The following ACSM1 variants were observed in gnomAD, a reference collection of about 807,000 sequenced individuals.
ACSM1 encodes the protein acyl-coenzyme A synthetase ACSM1, mitochondrial.
ACSM1 carries 79 observed loss-of-function variants against 75.8 expected under a neutral mutation model. The ratio of observed to expected loss-of-function variants is 1.04; its 90% CI spans 0.87 to 1.26. The LOEUF (loss-of-function observed/expected upper bound fraction) is 1.26, where lower values mean the gene tolerates loss of function less well. Among genes scored for constraint, ACSM1 ranks in the 50% most tolerant of loss-of-function variants. The pLI, the probability that ACSM1 is intolerant of heterozygous loss-of-function variation, is 0.00. For synonymous variants in ACSM1, 279 were observed against 265.8 expected (o/e 1.05, Z -0.48); for missense variants, 676 against 720.1 (o/e 0.94, Z 0.70).
chr16:20,672,471 A>AAAAAAAAAAAATATAT (rs1555473775), intron 4 of ACSM1, among the ~76,000 whole-genome samples: 17 of 64,554 alleles, frequency 2.6e-4, no homozygotes, highest in East Asian at 1.3e-3. Flanking sequence ...AAAAAAAAAA[A>AAAAAAAAAAAATATAT]ATATATATAT....
At chr16:20,637,000 A>T (rs993572656) in intron 9 of ACSM1, 160 bp from the exon 10 acceptor site, 4 of 682,526 alleles carry the variant, frequency 5.9e-6, no homozygotes, top group African/African-American at 1.8e-5. Context: ...TAAAATACGC[A>T]AATGTGAAAC....
chr16:20,632,613 G>T (rs2017416621), intron 10 of ACSM1, among the ~76,000 whole-genome samples: 1 of 152,172 alleles, frequency 6.6e-6, no homozygotes, highest in Non-Finnish European at 1.5e-5. Flanking sequence ...AATATTTAAA[G>T]AAGAATTAAG....
At chr16:20,652,604 G>T (rs191413694) in intron 7 of ACSM1, among the ~76,000 whole-genome samples, 3 of 151,924 alleles carry the variant, frequency 2.0e-5, no homozygotes, top group Non-Finnish European at 4.4e-5. Context: ...ACAAACTACC[G>T]TCAGAGAATA....
chr16:20,653,263 A>G (rs894687270), intron 7 of ACSM1, among the ~76,000 whole-genome samples: 4 of 152,226 alleles, frequency 2.6e-5, no homozygotes, highest in African/African-American at 9.6e-5. Context: ...TCAAAATAAT[A>G]AGAGCTATTT....
intron 2 of ACSM1, 78 bp from the exon 3 acceptor site, chr16:20,685,481 G>T: frequency 7.5e-7 from 1 of 1,336,086 alleles, no homozygotes; most frequent in Non-Finnish European, 1.1e-6. Flanking sequence ...CACAGCCATA[G>T]TCACGTTCCA....
chr16:20,687,944 G>A lies in ACSM1; in HGVS notation c.193-2541C>T, dbSNP rs141762632. Among the ~76,000 whole-genome samples the A allele has an allele frequency of 2.9e-3, 438 of 152,120 alleles. 2 individuals are homozygous for A. Among genetic ancestry groups the A allele is most frequent in the African/African-American group, 9.7e-3 (402 of 41,514 alleles). On this transcript the variant is annotated intron_variant, in intron 2 of 13. Transcript: ENST00000520010. Reference sequence around the variant, plus strand: ...ATTAAAAGTACAAAAGATAAGCCAGGCATAGTTGCATGCACCTGTAATCCC... The same window carrying A: ...ATTAAAAGTACAAAAGATAAGCCAGACATAGTTGCATGCACCTGTAATCCC...
At chr16:20,682,132 T>G in intron 4 of ACSM1, 124 bp downstream of exon 4, 1 of 894,086 alleles carries the variant, frequency 1.1e-6, no homozygotes. Flanking sequence ...TGGATGTTAA[T>G]CTGACTGGGC....
At chr16:20,685,077 G>A in intron 3 of ACSM1, 116 bp downstream of exon 3, 1 of 1,064,426 alleles carries the variant, frequency 9.4e-7, no homozygotes, top group African/African-American at 1.6e-5. Flanking sequence ...CAGAAACTGG[G>A]GCGAAGGCTT....
At chr16:20,696,213 G>T (rs907406172) in intron 1 of ACSM1, among the ~76,000 whole-genome samples, 5 of 152,152 alleles carry the variant, frequency 3.3e-5, no homozygotes, top group Admixed American at 6.5e-5. Context: ...ACCTAACAAT[G>T]CATTTCTCAG....
chr16:20,671,584 G>A lies in ACSM1; in HGVS notation c.699C>T (p.Pro233=). 1 of 1,613,818 alleles carries A rather than the reference G, an allele frequency of 6.2e-7. No homozygotes were observed. Among genetic ancestry groups the A allele is most frequent in the South Asian group, 1.1e-5 (1 of 91,036 alleles). ...IFFTSGTTGF[P]KMAKHSHGLA... is the part of the protein sequence containing the mutation. ...ACCCATGGGAGTGTTTTGCCATCTTGGGGAAGCCTGTGGTCCCACTGGTGA... is the reference window on the plus strand; with the variant it reads ...ACCCATGGGAGTGTTTTGCCATCTTAGGGAAGCCTGTGGTCCCACTGGTGA... Residue 233 remains proline, a synonymous_variant, in exon 5 of 14, where the codon CCC becomes CCT. Transcript: ENST00000520010.
At chr16:20,662,430 A>G (rs577706796) in intron 6 of ACSM1, among the ~76,000 whole-genome samples, 1 of 152,284 alleles carries the variant, frequency 6.6e-6, no homozygotes, top group South Asian at 2.1e-4. Context: ...ATTTAGGAAG[A>G]TAAGGTAAGT....
intron 4 of ACSM1, among the ~76,000 whole-genome samples, chr16:20,676,738 A>G (rs1351696714): frequency 6.6e-6 from 1 of 152,172 alleles, no homozygotes; most frequent in Non-Finnish European, 1.5e-5. Context: ...GCTGGTTTGG[A>G]CAGGAGTTTG....
At chr16:20,660,648 A>G (rs979030991) in intron 7 of ACSM1, among the ~76,000 whole-genome samples, 6 of 152,218 alleles carry the variant, frequency 3.9e-5, no homozygotes, top group African/African-American at 1.2e-4. Context: ...CTGAAGCTTC[A>G]TGAGTAAAAT....
intron 4 of ACSM1, among the ~76,000 whole-genome samples, chr16:20,675,054 T>A (rs755367729): frequency 7.2e-5 from 11 of 152,014 alleles, no homozygotes; most frequent in Non-Finnish European, 1.3e-4. Context: ...GCTGGCAGAA[T>A]GGTAAGAGTG....
At position 20,682,540 on chromosome 16, in the gene ACSM1, G is replaced by A. The variant is rs9927399; in HGVS notation, c.404-77C>T. 12,966 of 1,144,082 alleles carry A rather than the reference G, an allele frequency of 0.011. 1,057 individuals are homozygous for A. The African/African-American group carries it at 0.17, about 15-fold the overall frequency. The allele number at this position is 1,144,082 out of a possible 1,614,324, so 70.9% of individuals were successfully genotyped here. On this transcript the variant is annotated intron_variant, in intron 3 of 13. Coordinates refer to ENST00000520010, the MANE Select transcript of ACSM1 (RefSeq NM_001318890.3). ...GCTTTAGACTTGGCTTGTCTGCATC[G>A]AAATACCCTAACTTCTTGTTATGTA...
At chr16:20,684,329 A>G (rs1279443182) in intron 3 of ACSM1, among the ~76,000 whole-genome samples, 4 of 152,250 alleles carry the variant, frequency 2.6e-5, no homozygotes, top group Non-Finnish European at 4.4e-5. Context: ...TAAGGATCAC[A>G]CAATGAATTA....
At chr16:20,678,090 C>T (rs1240550264) in intron 4 of ACSM1, among the ~76,000 whole-genome samples, 1 of 152,026 alleles carries the variant, frequency 6.6e-6, no homozygotes, top group Non-Finnish European at 1.5e-5. Context: ...AAAGAAGAAG[C>T]CTTAGCTATG....
At chr16:20,680,456 A>G (rs1031284821) in intron 4 of ACSM1, 1 of 152,244 alleles carries the variant, frequency 6.6e-6, no homozygotes, top group Non-Finnish European at 1.5e-5. Flanking sequence ...TCCTCATGCT[A>G]TGTACGTGGA....
intron 7 of ACSM1, among the ~76,000 whole-genome samples, chr16:20,643,769 C>G (rs1039999211): frequency 2.0e-5 from 3 of 152,076 alleles, no homozygotes; most frequent in African/African-American, 7.2e-5. Flanking sequence ...ATTTACAATC[C>G]TTTAGCTAGA....
Sources: gnomAD v4.1 joint callset for allele counts (sites outside exome capture counted in the v4.1 genomes callset) on GRCh38, gnomAD v4.1.1 for gene constraint, MANE v1.5 for transcripts, NCBI Gene and HGNC (gene_info 2026-07-23, HGNC 2026-07-21) for gene names.